Variants in PCDH19 observed in about 807,000 individuals in gnomAD.
PCDH19 encodes the protein protocadherin-19.
Under a neutral mutation model 46.2 loss-of-function variants are expected in PCDH19, and 6 were observed. The observed-to-expected ratio is 0.13, with a 90% CI of 0.07 to 0.26. The LOEUF (loss-of-function observed/expected upper bound fraction) is 0.26, where lower values mean the gene tolerates loss of function less well. PCDH19 is among the 10% of genes least tolerant of loss of function. PCDH19 has a pLI of 1.00. For missense variants in PCDH19, 740 were observed against 972.3 expected (o/e 0.76, Z 3.18); for synonymous variants, 481 against 415.7 (o/e 1.16, Z -1.91).
chrX:100,307,746 A>G (rs1180271153), intron 5 of PCDH19, among the ~76,000 whole-genome samples: 2 of 111,483 alleles, frequency 1.8e-5, no homozygotes, highest in Admixed American at 1.9e-4. Flanking sequence ...ACAGCTATAC[A>G]CCAACAGCAA....
chrX:100,310,413 T>A (rs1925095493), intron 5 of PCDH19, among the ~76,000 whole-genome samples: 2 of 110,716 alleles, frequency 1.8e-5, no homozygotes, highest in Non-Finnish European at 3.8e-5. Flanking sequence ...AAATAAGAGG[T>A]GCTGACAGTG....
chrX:100,347,448 T>C (rs958259439), intron 4 of PCDH19, among the ~76,000 whole-genome samples: 4 of 111,934 alleles, frequency 3.6e-5, no homozygotes, highest in Non-Finnish European at 3.8e-5. Flanking sequence ...AATACTGCAG[T>C]ATCCCTTGAG....
chrX:100,330,766 T>G (rs932462643), intron 5 of PCDH19, among the ~76,000 whole-genome samples: 25 of 111,680 alleles, frequency 2.2e-4, no homozygotes, highest in Admixed American at 1.9e-3. Context: ...ACTAAGGCAG[T>G]AACCTAAAGA....
intron 3 of PCDH19, among the ~76,000 whole-genome samples, chrX:100,378,836 G>A (rs1308847294): frequency 1.8e-5 from 2 of 111,936 alleles, no homozygotes; most frequent in South Asian, 3.7e-4. Flanking sequence ...TTATGTCATC[G>A]ACACAAACAA....
At chrX:100,336,444 G>A (rs1217856548) in intron 5 of PCDH19, among the ~76,000 whole-genome samples, 1 of 112,067 alleles carries the variant, frequency 8.9e-6, no homozygotes, top group Non-Finnish European at 1.9e-5. Flanking sequence ...GCAGCCTACA[G>A]AACATTTTCA....
chrX:100,371,022 T>TGG lies in PCDH19; in HGVS notation c.2617-20319_2617-20318insCC, dbSNP rs756883686. Among the ~76,000 whole-genome samples, 164 of 102,652 alleles carry TGG rather than the reference T, an allele frequency of 1.6e-3. 1 individual carries two copies. Among genetic ancestry groups the TGG allele is most frequent in the African/African-American group, 5.2e-3 (152 of 29,259 alleles). The allele number at this position is 102,652 out of a possible 115,157, so 89.1% of individuals were successfully genotyped here. On this transcript the variant is annotated intron_variant, in intron 3 of 5. Transcript: ENST00000373034. Reference sequence around the variant, plus strand: ...GTGTGTGTGTGTGTGTGTGTGTGTGTGTGGGTGTGTGTGTATGCATGTGTT... The same window carrying TGG: ...GTGTGTGTGTGTGTGTGTGTGTGTGTGGGTGGGTGTGTGTGTATGCATGTGTT...
chrX:100,407,800 G>A lies in PCDH19; in HGVS notation c.798C>T (p.Asp266=), dbSNP rs369638371. Residue 266 remains aspartate, a synonymous_variant, in exon 1 of 6, where the codon GAC becomes GAT. Coordinates refer to ENST00000373034, the MANE Select transcript of PCDH19 (RefSeq NM_001184880.2). ...PVIRLNASDP[D]EGTNGQVVYS... is the part of the protein sequence containing the mutation. ...AGACCACCTGGCCGTTGGTGCCCTC[G>A]TCTGGATCGCTGGCGTTGAGGCGGA... 55 of 1,211,192 alleles carry A rather than the reference G, an allele frequency of 4.5e-5. No individual in the cohort carries two copies. Among genetic ancestry groups the A allele is most frequent in the Non-Finnish European group, 5.8e-5 (52 of 895,469 alleles).
intron 5 of PCDH19, among the ~76,000 whole-genome samples, chrX:100,335,529 G>A (rs1160991751): frequency 2.7e-5 from 3 of 111,978 alleles, no homozygotes; most frequent in Non-Finnish European, 5.6e-5. Context: ...GATCTTGATT[G>A]TAACAGTCTT....
In PCDH19 at chrX:100,297,441, C is replaced by T. The variant is rs775551732; in HGVS notation, c.2849-566G>A. The stretch of plus-strand genomic sequence containing the variant: ...CCCTTCTTTTTGACCACCAGTCCCA[C>T]CAGCCAATCTCCTCACTATGCCACT... On this transcript the variant is annotated intron_variant, in intron 5 of 5. Transcript: ENST00000373034. 3.6e-5 allele frequency among the ~76,000 whole-genome samples: 4 copies of T among 111,513 alleles called. No individual in the cohort carries two copies. In the East Asian group the frequency reaches 1.1e-3, roughly 32 times the overall value.
rs1569291846 is a variant in PCDH19, at chrX:100,322,860, TATA to T, written c.2848+19040_2848+19042del. On this transcript the variant is annotated intron_variant, in intron 5 of 5. Transcript: ENST00000373034. ...ATATATATATATATATATATATATA[TATA>T]TATTTTTGCAGCTATTGTAAAAGGG... Among the ~76,000 whole-genome samples, 125 of 65,728 alleles carry T rather than the reference TATA, an allele frequency of 1.9e-3. 4 individuals carry two copies. Among genetic ancestry groups the T allele is most frequent in the African/African-American group, 7.7e-3 (109 of 14,127 alleles). The allele number at this position is 65,728 out of a possible 115,157, so 57.1% of individuals were successfully genotyped here.
intron 5 of PCDH19, among the ~76,000 whole-genome samples, chrX:100,338,783 G>A (rs1006059214): frequency 9.0e-6 from 1 of 111,360 alleles, no homozygotes; most frequent in African/African-American, 3.3e-5. Context: ...GAAAAGCACA[G>A]GGCCCAGGTA....
Position 100,409,833 on chromosome X carries a change from G to C in PCDH19, c.-1236C>G. The C allele has an allele frequency of 3.6e-6, 1 of 274,888 alleles. No individual in the cohort carries two copies. Among genetic ancestry groups the C allele is most frequent in the Non-Finnish European group, 6.3e-6 (1 of 157,855 alleles). The allele number at this position is 274,888 out of a possible 1,213,427, so 22.7% of individuals were successfully genotyped here. On this transcript the variant is annotated 5_prime_UTR_variant, in exon 1 of 6. Coordinates refer to ENST00000373034, the MANE Select transcript of PCDH19 (RefSeq NM_001184880.2). The stretch of plus-strand genomic sequence containing the variant: ...ATTTTGTCGCCGCCGAAGTTTACTT[G>C]CAGGAGCGTCTTGATTTCATCTTCC...
chrX:100,409,961 A>G lies in PCDH19; in HGVS notation c.-1364T>C, dbSNP rs1191700699. Reference sequence around the variant, plus strand: ...CTCTGTCTGTCTCGGGCTGTGTGTGAATGTGTGAGAGAGAGAGGAAGAGTG... The same window carrying G: ...CTCTGTCTGTCTCGGGCTGTGTGTGGATGTGTGAGAGAGAGAGGAAGAGTG... On this transcript the variant is annotated 5_prime_UTR_variant, in exon 1 of 6. Transcript: ENST00000373034. The G allele has an allele frequency of 1.3e-5, 4 of 304,989 alleles. No homozygotes were observed. The highest frequency in any genetic ancestry group is 2.2e-5 in the Non-Finnish European group (4 of 178,676). 25.1% of individuals were successfully genotyped at this position (304,989 alleles called of 1,213,427 possible).
chrX:100,344,957 T>C (rs770281019), intron 4 of PCDH19, among the ~76,000 whole-genome samples: 2 of 109,500 alleles, frequency 1.8e-5, no homozygotes, highest in South Asian at 8.1e-4. Context: ...TCTTTATTTC[T>C]ATAGCAGACT....
intron 5 of PCDH19, among the ~76,000 whole-genome samples, chrX:100,302,469 G>A (rs1167847068): frequency 8.9e-6 from 1 of 111,854 alleles, no homozygotes; most frequent in Non-Finnish European, 1.9e-5. Context: ...AACAACATGG[G>A]TTTGAAACTG....
chrX:100,385,279 C>A (rs957801041), intron 3 of PCDH19, among the ~76,000 whole-genome samples: 3 of 111,032 alleles, frequency 2.7e-5, no homozygotes, highest in African/African-American at 9.8e-5. Context: ...TTTGCCAGTA[C>A]AGTGAAATGG....
chrX:100,383,061 G>C (rs1927602484), intron 3 of PCDH19, among the ~76,000 whole-genome samples: 1 of 112,652 alleles, frequency 8.9e-6, no homozygotes, highest in Admixed American at 9.4e-5. Flanking sequence ...TACATTGCTA[G>C]AGGCAGTAAG....
chrX:100,345,560 T>G (rs940158372), intron 4 of PCDH19, among the ~76,000 whole-genome samples: 1 of 111,787 alleles, frequency 8.9e-6, no homozygotes, highest in African/African-American at 3.2e-5. Flanking sequence ...CCTAATTGGT[T>G]TTGGATCTGC....
intron 3 of PCDH19, among the ~76,000 whole-genome samples, chrX:100,399,068 A>C (rs763548046): frequency 1.4e-4 from 16 of 112,245 alleles, no homozygotes; most frequent in African/African-American, 4.9e-4. Context: ...GGGAAGTAGT[A>C]CATTATCTGG....
Sources: gnomAD v4.1 joint callset for allele counts (sites outside exome capture counted in the v4.1 genomes callset) on GRCh38, gnomAD v4.1.1 for gene constraint, MANE v1.5 for transcripts, NCBI Gene and HGNC (gene_info 2026-07-23, HGNC 2026-07-21) for gene names.